Variants in PAPOLG observed in about 807,000 individuals in gnomAD.
The protein encoded by PAPOLG is poly(A) polymerase gamma.
A neutral mutation model predicts 99.0 loss-of-function variants in PAPOLG; 40 were observed. That is an observed-to-expected ratio of 0.40 (90% CI 0.31 to 0.53). PAPOLG has a LOEUF of 0.53. PAPOLG is among the 20% of genes least tolerant of loss of function. The pLI, the probability that PAPOLG is intolerant of heterozygous loss-of-function variation, is 0.41. For missense variants in PAPOLG, 675 were observed against 884.1 expected (o/e 0.76, Z 3.00); for synonymous variants, 310 against 299.3 (o/e 1.04, Z -0.37).
In PAPOLG at chr2:60,765,235, CTTTTTTT is replaced by C. The variant is rs557009182; in HGVS notation, c.247-3219_247-3213del. Among the ~76,000 whole-genome samples, 855 of 119,852 alleles carry C rather than the reference CTTTTTTT, an allele frequency of 7.1e-3. 11 individuals are homozygous for C. Among genetic ancestry groups the C allele is most frequent in the African/African-American group, 0.025 (813 of 33,054 alleles). 78.6% of individuals were successfully genotyped at this position (119,852 alleles called of 152,430 possible). A position where few individuals can be genotyped will look rare whatever the true frequency, so the allele number is the denominator to read the frequency against. On this transcript the variant is annotated intron_variant, in intron 3 of 21. Coordinates refer to ENST00000238714, the MANE Select transcript of PAPOLG (RefSeq NM_022894.4). ...AGGTACACATCCTGATGCCTAGCTACTTTTTTTTTTTTTTTTTTTTTTGGTAGAGATG... is the reference window on the plus strand; with the variant it reads ...AGGTACACATCCTGATGCCTAGCTACTTTTTTTTTTTTTTTGGTAGAGATG...
chr2:60,772,647 C>G (rs1670890196), intron 7 of PAPOLG, among the ~76,000 whole-genome samples: 1 of 151,930 alleles, frequency 6.6e-6, no homozygotes, highest in Non-Finnish European at 1.5e-5. Flanking sequence ...ACTCGGGAGG[C>G]TGAGGCAGGA....
chr2:60,783,324 CTTTTTTTTTTTT>C (rs72172236), intron 13 of PAPOLG, 115 bp downstream of exon 13: 27 of 158,420 alleles, frequency 1.7e-4, no homozygotes, highest in Admixed American at 1.4e-3. Flanking sequence ...TATTATATCT[CTTTTTTTTTTTT>C]TTTTTTTTGA....
In PAPOLG at chr2:60,801,888, C is replaced by T. The variant is rs903902587; in HGVS notation, c.*4728C>T. ...TTATCTTAGAAAGTACTTAGGATATCTTTGAGATTAATGGTGCTACATCAC... is the reference window on the plus strand; with the variant it reads ...TTATCTTAGAAAGTACTTAGGATATTTTTGAGATTAATGGTGCTACATCAC... On this transcript the variant is annotated 3_prime_UTR_variant, in exon 22 of 22. Transcript: ENST00000238714. 3 of 152,302 alleles carry T rather than the reference C, an allele frequency of 2.0e-5. No individual in the cohort carries two copies. The highest frequency in any genetic ancestry group is 4.4e-5 in the Non-Finnish European group (3 of 68,036). The allele number at this position is 152,302 out of a possible 1,614,324, so 9.4% of individuals were successfully genotyped here. A position where few individuals can be genotyped will look rare whatever the true frequency, so the allele number is the denominator to read the frequency against.
At chr2:60,768,083 T>C (rs11681172) in intron 3 of PAPOLG, among the ~76,000 whole-genome samples, 73,570 of 151,982 alleles carry the variant, frequency 0.48, 18,463 homozygotes, top group Middle Eastern at 0.6. Flanking sequence ...TCAATAAAGG[T>C]CAGTAGACAT....
At chr2:60,781,787 T>G (rs571564971) in intron 10 of PAPOLG, 98 bp from the exon 11 acceptor site, 122 of 1,499,082 alleles carry the variant, frequency 8.1e-5, no homozygotes, top group Non-Finnish European at 1.1e-4. Flanking sequence ...AAATGTAGTA[T>G]TAAATTTATA....
At position 60,768,991 on chromosome 2, in the gene PAPOLG, T is replaced by G. The variant is rs1003762024; in HGVS notation, c.438+101T>G. On this transcript the variant is annotated intron_variant, in intron 5 of 21. Coordinates refer to ENST00000238714, the MANE Select transcript of PAPOLG (RefSeq NM_022894.4). The stretch of plus-strand genomic sequence containing the variant: ...ATTGAAATACCTTCTAAGTTACTAT[T>G]AGGAGGTATTTAATAAGAGTAGCTT... 2.2e-5 allele frequency: 19 copies of G among 856,690 alleles called. No individual in the cohort carries two copies. In the African/African-American group the frequency reaches 3.3e-4, roughly 15 times the overall value. The allele number at this position is 856,690 out of a possible 1,614,324, so 53.1% of individuals were successfully genotyped here.
At position 60,794,738 on chromosome 2, in the gene PAPOLG, A is replaced by T. The variant is rs746765908; in HGVS notation, c.2018A>T (p.Asp673Val). The stretch of plus-strand genomic sequence containing the variant: ...ATTCGACTTGAATCAACATTTAAGG[A>T]CCCCCGCACTGCTGAAGAAAGAAAA... ...KFIRLESTFK[D>V]PRTAEERKRK... is the part of the protein sequence containing the mutation. The change falls in exon 20 of 22, where the codon GAC becomes GTC. Residue 673 changes from aspartate to valine, a missense_variant. By Grantham distance (152) the Asp-to-Val change is radical. Transcript: ENST00000238714. 1 of 1,611,222 alleles carries T rather than the reference A, an allele frequency of 6.2e-7. No individual in the cohort carries two copies. The highest frequency in any genetic ancestry group is 1.1e-5 in the South Asian group (1 of 90,962).
Position 60,779,431 on chromosome 2 carries a change from T to A in PAPOLG, c.695-206T>A, listed in dbSNP as rs552923465. ...GTAAGATTAGCAATTTATGGTTTAC[T>A]AATTAGACTGTGGGCCTAATGTGAA... On this transcript the variant is annotated intron_variant, in intron 8 of 21. Transcript: ENST00000238714. 222 of 503,984 alleles carry A rather than the reference T, an allele frequency of 4.4e-4. 1 individual carries two copies. Among genetic ancestry groups the A allele is most frequent in the South Asian group, 8.1e-4 (21 of 26,060 alleles). The allele number at this position is 503,984 out of a possible 1,614,324, so 31.2% of individuals were successfully genotyped here.
intron 1 of PAPOLG, among the ~76,000 whole-genome samples, chr2:60,759,330 T>G (rs1670453351): frequency 6.7e-6 from 1 of 150,276 alleles, no homozygotes; most frequent in East Asian, 2.0e-4. Flanking sequence ...ATCTCCCCAA[T>G]GCACTCCAGC....
intron 5 of PAPOLG, among the ~76,000 whole-genome samples, chr2:60,769,520 G>A (rs1199025786): frequency 6.6e-6 from 1 of 152,158 alleles, no homozygotes; most frequent in Non-Finnish European, 1.5e-5. Context: ...GGGAATCTGG[G>A]AATGTTTTTA....
chr2:60,782,771 G>A lies in PAPOLG; in HGVS notation c.1112+1G>A. 1.3e-6 allele frequency: 2 copies of A among 1,551,212 alleles called. No homozygotes were observed. Among genetic ancestry groups the A allele is most frequent in the Non-Finnish European group, 8.6e-7 (1 of 1,158,320 alleles). ...CACCGAATTTCTTTCAAAAGTATAGGTACGTGAAATTTTGTATTTTGTATG... is the reference window on the plus strand; with the variant it reads ...CACCGAATTTCTTTCAAAAGTATAGATACGTGAAATTTTGTATTTTGTATG... On this transcript the variant is annotated splice_donor_variant, in intron 12 of 21. Coordinates refer to ENST00000238714, the MANE Select transcript of PAPOLG (RefSeq NM_022894.4). LOFTEE classifies it high-confidence loss of function.
At position 60,801,946 on chromosome 2, in the gene PAPOLG, T is replaced by C. The variant is rs1671839993; in HGVS notation, c.*4786T>C. The C allele has an allele frequency of 6.6e-6, 1 of 152,376 alleles. No homozygotes were observed. The highest frequency in any genetic ancestry group is 2.4e-5 in the African/African-American group (1 of 41,458). The allele number at this position is 152,376 out of a possible 1,614,324, so 9.4% of individuals were successfully genotyped here. A position where few individuals can be genotyped will look rare whatever the true frequency, so the allele number is the denominator to read the frequency against. ...TACTATGTAAAATGAATGGAGCTGC[T>C]GTTCCTTTCTAGCTAGCTGTTTGTG... On this transcript the variant is annotated 3_prime_UTR_variant, in exon 22 of 22. Coordinates refer to ENST00000238714, the MANE Select transcript of PAPOLG (RefSeq NM_022894.4).
In PAPOLG at chr2:60,770,520, T is replaced by G. The variant is rs775297517; in HGVS notation, c.492+9T>G. 76 of 1,539,022 alleles carry G rather than the reference T, an allele frequency of 4.9e-5. No individual in the cohort carries two copies. Among genetic ancestry groups the G allele is most frequent in the Non-Finnish European group, 6.4e-5 (72 of 1,123,240 alleles). ...AATTTGATGGTATTGAAGTAAGTGT[T>G]TAATATTTTTCTGACTTTACAATTG... On this transcript the variant is annotated intron_variant, in intron 6 of 21. Coordinates refer to ENST00000238714, the MANE Select transcript of PAPOLG (RefSeq NM_022894.4).
At position 60,802,026 on chromosome 2, in the gene PAPOLG, T is replaced by C. The variant is rs1310273146; in HGVS notation, c.*4866T>C. 6.6e-6 allele frequency: 1 copy of C among 152,374 alleles called. No individual in the cohort carries two copies. Among genetic ancestry groups the C allele is most frequent in the African/African-American group, 2.4e-5 (1 of 41,464 alleles). 9.4% of individuals were successfully genotyped at this position (152,374 alleles called of 1,614,324 possible). On this transcript the variant is annotated 3_prime_UTR_variant, in exon 22 of 22. Coordinates refer to ENST00000238714, the MANE Select transcript of PAPOLG (RefSeq NM_022894.4). ...TTTGGATTGTCTGATTTCTTAGTTG[T>C]ACACATGAACCTCATTATTTGCCTG...
At chr2:60,771,482 A>G (rs1670848784) in intron 6 of PAPOLG, 37 bp from the exon 7 acceptor site, 2 of 1,566,116 alleles carry the variant, frequency 1.3e-6, no homozygotes, top group Admixed American at 4.3e-5. Context: ...AAAGGAGAAA[A>G]TGTAATTTTT....
At chr2:60,772,301 G>T (rs945023190) in intron 7 of PAPOLG, among the ~76,000 whole-genome samples, 26 of 151,940 alleles carry the variant, frequency 1.7e-4, no homozygotes, top group African/African-American at 5.3e-4. Context: ...AAAACATTTA[G>T]TTGGATGTAG....
At chr2:60,785,747 A>T (rs1185523333) in intron 13 of PAPOLG, among the ~76,000 whole-genome samples, 1 of 144,934 alleles carries the variant, frequency 6.9e-6, no homozygotes, top group South Asian at 2.2e-4. Context: ...GCCCCAGGTG[A>T]TCTCGAACTC....
chr2:60,781,756 A>G (rs898351449), intron 10 of PAPOLG, 129 bp from the exon 11 acceptor site: 82 of 1,275,312 alleles, frequency 6.4e-5, no homozygotes, highest in Non-Finnish European at 8.8e-5. Context: ...GGGAGGGAAA[A>G]TGTACTTCTT....
In PAPOLG at chr2:60,760,215, T is replaced by G; in HGVS notation, c.99T>G (p.Ile33Met). Residue 33 changes from isoleucine (I) to methionine (M), a missense_variant, in exon 2 of 22, where the codon ATT becomes ATG. Physicochemically the swap from Ile to Met is conservative, Grantham distance 10. Coordinates refer to ENST00000238714, the MANE Select transcript of PAPOLG (RefSeq NM_022894.4). ...TTAGTTTGGCATCTCCTAAAGAAATTGATCATATTTACACACAGAAATTAA... is the reference window on the plus strand; with the variant it reads ...TTAGTTTGGCATCTCCTAAAGAAATGGATCATATTTACACACAGAAATTAA... ...SPISLASPKE[I>M]DHIYTQKLID... 6.2e-7 allele frequency: 1 copy of G among 1,614,038 alleles called. No individual in the cohort carries two copies. Among genetic ancestry groups the G allele is most frequent in the Non-Finnish European group, 8.5e-7 (1 of 1,179,912 alleles).
Sources: allele counts gnomAD v4.1 joint callset (sites outside exome capture counted in the v4.1 genomes callset), GRCh38; gene constraint gnomAD v4.1.1; transcripts MANE v1.5; gene names NCBI Gene and HGNC (gene_info 2026-07-23, HGNC 2026-07-21).